The following TMEM101 variants were observed in gnomAD, a reference collection of about 807,000 sequenced individuals.
TMEM101 encodes putative NF-kappa-B-activating protein 130.
A neutral mutation model predicts 26.0 loss-of-function variants in TMEM101; 14 were observed. The ratio of observed to expected loss-of-function variants is 0.54; its 90% CI spans 0.36 to 0.84. The LOEUF (loss-of-function observed/expected upper bound fraction) is 0.84, where lower values mean the gene tolerates loss of function less well. Ranked by LOEUF, TMEM101 falls within the 40% of genes least tolerant of loss-of-function variation. The pLI is 0.01. For missense variants in TMEM101, 292 were observed against 345.1 expected, an observed-to-expected ratio of 0.85 and a Z score of 1.22; for synonymous variants, 152 against 145.1, an observed-to-expected ratio of 1.05 and a Z score of -0.34.
At chr17:44,017,754 A>G (rs1217749116), upstream of TMEM101, among the ~76,000 whole-genome samples, 2 of 139,028 alleles carry the variant, frequency 1.4e-5, no homozygotes, top group African/African-American at 2.5e-5. Context: ...CAAGAGCGAA[A>G]CTCTTGTCTC....
At chr17:44,017,229 T>TG (rs935257401), upstream of TMEM101, among the ~76,000 whole-genome samples, 10 of 148,472 alleles carry the variant, frequency 6.7e-5, no homozygotes, top group East Asian at 2.0e-4. Flanking sequence ...GGAGGCCAAG[T>TG]GGGGGGTTGG....
Position 44,011,775 on chromosome 17 carries a change from C to A in TMEM101, c.*153G>T. ...GAGCCCAGAAATTTGGACAAATGAG[C>A]TGCCTCTTAACTGCAAAAAACAATT... On this transcript the variant is annotated 3_prime_UTR_variant, in exon 4 of 4. Transcript: ENST00000206380. The A allele has an allele frequency of 1.2e-6, 1 of 808,042 alleles. No homozygotes were observed. Among genetic ancestry groups the A allele is most frequent in the Non-Finnish European group, 1.9e-6 (1 of 527,720 alleles). The allele number at this position is 808,042 out of a possible 1,614,324, so 50.1% of individuals were successfully genotyped here.
upstream of TMEM101, chr17:44,015,215 T>A: frequency 2.7e-6 from 1 of 375,224 alleles, no homozygotes; most frequent in Non-Finnish European, 4.9e-6. Context: ...GCAGAAGTCT[T>A]GGACCGTAGT....
rs754313465 is a variant in TMEM101 at position 44,011,898 on chromosome 17, T to C, written c.*30A>G. ...GGCAGGGTGACCCTCAGTGGCTCCC[T>C]GTGCCCATCTCAGCCTCTTGCCATA... On this transcript the variant is annotated 3_prime_UTR_variant, in exon 4 of 4. Transcript: ENST00000206380. 3.8e-6 allele frequency: 6 copies of C among 1,578,206 alleles called. No homozygotes were observed. The highest frequency in any genetic ancestry group is 1.2e-5 in the South Asian group (1 of 85,550).
Position 44,012,055 on chromosome 17 carries a change from A to C in TMEM101, c.647T>G (p.Leu216Arg), listed in dbSNP as rs2049165567. 1 of 1,614,158 alleles carries C rather than the reference A, an allele frequency of 6.2e-7. No homozygotes were observed. The highest frequency in any genetic ancestry group is 1.3e-5 in the African/African-American group (1 of 74,954). Residue 216 changes from leucine (L) to arginine (R), a missense_variant, in exon 4 of 4, where the codon CTG becomes CGG. Leu to Arg is a moderately radical substitution (Grantham distance 102, BLOSUM62 -2). Coordinates refer to ENST00000206380, the MANE Select transcript of TMEM101 (RefSeq NM_032376.4). ...GTAAGCAACATTGCCATCAATGAGC[A>C]GCATGACAGGGGGCAGCAGTACAGC... ...ILAVLLPPVM[L>R]LIDGNVAYWH...
In TMEM101 at chr17:44,014,462, A is replaced by G; in HGVS notation, c.213T>C (p.Phe71=). The G allele has an allele frequency of 6.4e-7, 1 of 1,562,312 alleles. No homozygotes were observed. The highest frequency in any genetic ancestry group is 8.7e-7 in the Non-Finnish European group (1 of 1,152,816). ...GCGCGAACCAGCGCCGCTTCACGCC[A>G]AAGGACATGAAACTAGCGCACAGCA... ...AAVLCASFMS[F]GVKRRWFALG... The change falls in exon 2 of 4, where the codon TTT becomes TTC. Residue 71 remains phenylalanine, a synonymous_variant. Coordinates refer to ENST00000206380, the MANE Select transcript of TMEM101 (RefSeq NM_032376.4).
upstream of TMEM101, among the ~76,000 whole-genome samples, chr17:44,018,118 CTA>C (rs1285552166): frequency 6.6e-6 from 1 of 152,108 alleles, no homozygotes; most frequent in Non-Finnish European, 1.5e-5. Flanking sequence ...GAGCAAGACT[CTA>C]TCTCATAAAT....
At chr17:44,014,566 G>A (rs374154207) in intron 1 of TMEM101, 29 bp from the exon 2 acceptor site, 1 of 1,566,018 alleles carries the variant, frequency 6.4e-7, no homozygotes, top group Non-Finnish European at 8.7e-7. Flanking sequence ...GAAGCAACGA[G>A]GACAGAATGA....
chr17:44,013,005 A>G lies in TMEM101; in HGVS notation c.465+4T>C, dbSNP rs1222209381. The G allele has an allele frequency of 6.3e-7, 1 of 1,585,028 alleles. No homozygotes were observed. Among genetic ancestry groups the G allele is most frequent in the East Asian group, 2.3e-5 (1 of 44,282 alleles). ...CACCTCCAACCAACAGTCCCCCAAC[A>G]TACCACACAGATGAGGTAGATACCC... On this transcript the variant is annotated splice_donor_region_variant and intron_variant, in intron 3 of 3. Transcript: ENST00000206380.
intron 1 of TMEM101, among the ~76,000 whole-genome samples, chr17:44,021,850 C>T (rs937706677): frequency 1.3e-5 from 2 of 152,218 alleles, no homozygotes; most frequent in Non-Finnish European, 2.9e-5. Context: ...TAAGCTTTGC[C>T]GGCCTCTGGC....
chr17:44,013,221 G>A, intron 2 of TMEM101, 66 bp from the exon 3 acceptor site: 2 of 1,406,400 alleles, frequency 1.4e-6, no homozygotes, highest in South Asian at 1.6e-5. Flanking sequence ...GCTTCCCAGA[G>A]TGTAGAACCA....
At chr17:44,019,393 G>T (rs372509420), upstream of TMEM101, 7 of 371,596 alleles carry the variant, frequency 1.9e-5, no homozygotes, top group Non-Finnish European at 2.6e-5. Context: ...GTGCACAGAC[G>T]AGGAGAGGTC....
At chr17:44,012,971 C>T (rs763423671) in intron 3 of TMEM101, 38 bp downstream of exon 3, 8 of 1,515,418 alleles carry the variant, frequency 5.3e-6, no homozygotes, top group Admixed American at 1.9e-5. Flanking sequence ...CAGTTCACTC[C>T]CAGCCAGGCA....
At chr17:44,012,279 A>C in intron 3 of TMEM101, 43 bp from the exon 4 acceptor site, 1 of 1,558,728 alleles carries the variant, frequency 6.4e-7, no homozygotes, top group East Asian at 2.3e-5. Context: ...CAGGCTCAGA[A>C]GCCTGTCTGG....
chr17:44,013,259 G>T, intron 2 of TMEM101, 104 bp from the exon 3 acceptor site: 1 of 1,165,490 alleles, frequency 8.6e-7, no homozygotes, highest in Non-Finnish European at 1.1e-6. Context: ...CATTCCATCT[G>T]ATGAACCCTC....
chr17:44,020,283 C>T (rs1210991525), intron 2 of TMEM101, among the ~76,000 whole-genome samples: 1 of 152,200 alleles, frequency 6.6e-6, no homozygotes, highest in African/African-American at 2.4e-5. Context: ...ATTCGCATAC[C>T]TAGAGGGCCC....
At chr17:44,019,390 G>T (rs1024232143), upstream of TMEM101, 6 of 376,648 alleles carry the variant, frequency 1.6e-5, no homozygotes, top group African/African-American at 1.1e-4. Context: ...TCCGTGCACA[G>T]ACGAGGAGAG....
chr17:44,014,706 C>G lies in TMEM101; in HGVS notation c.137+110G>C, dbSNP rs958710517. On this transcript the variant is annotated intron_variant, in intron 1 of 3. Transcript: ENST00000206380. ...TCCGACACCCAGACCAGAACCCCTC[C>G]CAGGGAGGTCCCAATTCCTCCCAGT... The G allele has an allele frequency of 2.5e-5, 37 of 1,504,962 alleles. No individual in the cohort carries two copies. The African/African-American group carries it at 4.7e-4, about 19-fold the overall frequency. 93.2% of individuals were successfully genotyped at this position (1,504,962 alleles called of 1,614,324 possible).
chr17:44,013,209 T>C lies in TMEM101; in HGVS notation c.319-54A>G, dbSNP rs955775297. 4 of 1,475,748 alleles carry C rather than the reference T, an allele frequency of 2.7e-6. No homozygotes were observed. In the African/African-American group the frequency reaches 5.6e-5, roughly 21 times the overall value. The allele number at this position is 1,475,748 out of a possible 1,614,324, so 91.4% of individuals were successfully genotyped here. ...AGAACTGCAGCCGCCACATCTCTCC[T>C]GGCTTCCCAGAGTGTAGAACCACCC... On this transcript the variant is annotated intron_variant, in intron 2 of 3. Coordinates refer to ENST00000206380, the MANE Select transcript of TMEM101 (RefSeq NM_032376.4).
Sources: allele counts gnomAD v4.1 joint callset (sites outside exome capture counted in the v4.1 genomes callset), GRCh38; gene constraint gnomAD v4.1.1; transcripts MANE v1.5; gene names NCBI Gene and HGNC (gene_info 2026-07-23, HGNC 2026-07-21).